Variants in RC3H2 observed in about 807,000 individuals in gnomAD.
RC3H2 encodes the protein roquin-2.
Under a neutral mutation model 133.3 loss-of-function variants are expected in RC3H2, and 31 were observed. The observed-to-expected ratio is 0.23, with a 90% CI of 0.17 to 0.31. The LOEUF (loss-of-function observed/expected upper bound fraction) is 0.31, where lower values mean the gene tolerates loss of function less well. Ranked by LOEUF, RC3H2 falls within the 10% of genes least tolerant of loss-of-function variation. The pLI is 1.00. For missense variants in RC3H2, 1,175 were observed against 1,437.2 expected, an observed-to-expected ratio of 0.82 and a Z score of 2.95; for synonymous variants, 517 against 502.2, an observed-to-expected ratio of 1.03 and a Z score of -0.40.
At chr9:122,856,644 A>C (rs1366709892) in intron 13 of RC3H2, among the ~76,000 whole-genome samples, 3 of 152,230 alleles carry the variant, frequency 2.0e-5, no homozygotes, top group Non-Finnish European at 2.9e-5. Flanking sequence ...AAAGGAATTC[A>C]AAGGAGGCTC....
intron 2 of RC3H2, 21 bp downstream of exon 2, chr9:122,897,258 A>T: frequency 6.2e-7 from 1 of 1,611,616 alleles, no homozygotes; most frequent in Non-Finnish European, 8.5e-7. Flanking sequence ...ACCAACCTAT[A>T]GTAAAATCTT....
chr9:122,848,719 A>G lies in RC3H2; in HGVS notation c.*908T>C, dbSNP rs1161838429. ...ACGCTACATACAGGGTTTTCTCAAGAAAGCTGAAAGCACCTGATTCTTTTG... is the reference window on the plus strand; with the variant it reads ...ACGCTACATACAGGGTTTTCTCAAGGAAGCTGAAAGCACCTGATTCTTTTG... On this transcript the variant is annotated 3_prime_UTR_variant, in exon 21 of 21. Transcript: ENST00000357244. 1 of 152,200 alleles carries G rather than the reference A, an allele frequency of 6.6e-6. No individual in the cohort carries two copies. The highest frequency in any genetic ancestry group is 2.4e-5 in the African/African-American group (1 of 41,458). 9.4% of individuals were successfully genotyped at this position (152,200 alleles called of 1,614,324 possible).
At chr9:122,865,241 C>A in intron 10 of RC3H2, 108 bp downstream of exon 10, 2 of 1,010,756 alleles carry the variant, frequency 2.0e-6, no homozygotes, top group Admixed American at 5.7e-5. Context: ...ACAAAATATT[C>A]TGCATAAAAA....
chr9:122,858,071 GTCT>G lies in RC3H2; in HGVS notation c.2303_2305del (p.Lys768del). ...TCTTCTTATCTGCTCCTCGCAACTG[GTCT>G]TCAAATGACCACAAGGTTCCTAATG... On this transcript the variant is annotated inframe_deletion, in exon 13 of 21. Coordinates refer to ENST00000357244, the MANE Select transcript of RC3H2 (RefSeq NM_001100588.3). The G allele has an allele frequency of 6.2e-7, 1 of 1,614,138 alleles. No individual in the cohort carries two copies. The highest frequency in any genetic ancestry group is 8.5e-7 in the Non-Finnish European group (1 of 1,179,994).
At chr9:122,877,720 C>T in intron 8 of RC3H2, 137 bp from the exon 9 acceptor site, 1 of 664,718 alleles carries the variant, frequency 1.5e-6, no homozygotes, top group East Asian at 2.6e-5. Context: ...GCTGAAACAA[C>T]TAATATTCCA....
rs1180695430 is a variant in RC3H2, at chr9:122,859,069, C to A, written c.1883G>T (p.Gly628Val). 1 of 1,595,040 alleles carries A rather than the reference C, an allele frequency of 6.3e-7. No individual in the cohort carries two copies. The change falls in exon 12 of 21, where the codon GGT becomes GTT. Residue 628 changes from glycine to valine, a missense_variant. By Grantham distance (109) the Gly-to-Val change is moderately radical. This residue lies in a region of RC3H2 where 490 missense variants were observed against 492.8 expected (regional missense o/e 0.99). Transcript: ENST00000357244. ...YYPPPPTVPA[G>V]VAPCVPRFVR... ...AAAGCGAGGAACACAGGGAGCCACA[C>A]CAGCTGGTACCGTTGGAGGTGGTGG...
chr9:122,868,194 G>T (rs1830826388), intron 9 of RC3H2, among the ~76,000 whole-genome samples: 1 of 151,058 alleles, frequency 6.6e-6, no homozygotes, highest in Admixed American at 6.6e-5. Flanking sequence ...GCCCCTACTG[G>T]GAAGTGAGGA....
intron 10 of RC3H2, among the ~76,000 whole-genome samples, chr9:122,864,901 G>A (rs1313124371): frequency 6.6e-6 from 1 of 152,046 alleles, no homozygotes; most frequent in African/African-American, 2.4e-5. Context: ...TGGGATTACA[G>A]GTGTGAACCA....
intron 1 of RC3H2, among the ~76,000 whole-genome samples, chr9:122,898,514 C>A (rs954250868): frequency 8.5e-5 from 13 of 152,196 alleles, no homozygotes; most frequent in Admixed American, 2.0e-4. Flanking sequence ...CTTTGAGAGG[C>A]CGAGGTGGGA....
At chr9:122,853,677 G>A in intron 18 of RC3H2, 1 of 727,006 alleles carries the variant, frequency 1.4e-6, no homozygotes, top group South Asian at 2.0e-5. Flanking sequence ...GCTTGAACCT[G>A]AGAGCCAGAG....
chr9:122,871,668 G>A (rs1831107098), intron 9 of RC3H2, among the ~76,000 whole-genome samples: 1 of 151,922 alleles, frequency 6.6e-6, no homozygotes, highest in Non-Finnish European at 1.5e-5. Context: ...TTCTATCTAA[G>A]AGATCTCCCC....
In RC3H2 at chr9:122,897,462, G is replaced by A; in HGVS notation, c.48C>T (p.Ile16=). Residue 16 remains isoleucine (I), a synonymous_variant, in exon 2 of 21, where the codon ATC becomes ATT. Transcript: ENST00000357244. ...AQWTEFLSCP[I]CYNEFDENVH... ...CATTCTCATCAAATTCATTATAGCA[G>A]ATTGGACAGGACAGAAATTCTGTCC... 1 of 1,614,158 alleles carries A rather than the reference G, an allele frequency of 6.2e-7. No homozygotes were observed. Among genetic ancestry groups the A allele is most frequent in the South Asian group, 1.1e-5 (1 of 91,066 alleles).
intron 5 of RC3H2, among the ~76,000 whole-genome samples, chr9:122,881,445 G>T (rs1588094868): frequency 7.8e-6 from 1 of 128,312 alleles, no homozygotes; most frequent in South Asian, 2.8e-4. Flanking sequence ...GGGACAGAGT[G>T]AGACTCCGTC....
Position 122,893,003 on chromosome 9 carries a change from C to T in RC3H2, c.255G>A (p.Lys85=), listed in dbSNP as rs369176515. ...GTTTATTCTCACCTAGATTACTTAA[C>T]TTAATTGACTGATGATCTGGTACCT... The part of the protein sequence containing the change: ...GAQVPDHQSI[K]LSNLGENKHY... Residue 85 remains lysine, a synonymous_variant, in exon 3 of 21, where the codon AAG becomes AAA. Transcript: ENST00000357244. The T allele has an allele frequency of 6.2e-7, 1 of 1,603,404 alleles. No homozygotes were observed. Among genetic ancestry groups the T allele is most frequent in the African/African-American group, 1.4e-5 (1 of 73,376 alleles).
intron 18 of RC3H2, among the ~76,000 whole-genome samples, chr9:122,852,521 C>G (rs62580883): frequency 2.1e-5 from 3 of 144,394 alleles, no homozygotes; most frequent in African/African-American, 7.8e-5. Flanking sequence ...CCGCCCCGTC[C>G]GGGAGGGAGG....
At chr9:122,893,111 G>A in intron 2 of RC3H2, 85 bp from the exon 3 acceptor site, 2 of 1,495,690 alleles carry the variant, frequency 1.3e-6, no homozygotes, top group Non-Finnish European at 1.8e-6. Flanking sequence ...TAATAATCTT[G>A]GTGAGTATAA....
intron 14 of RC3H2, 148 bp from the exon 15 acceptor site, chr9:122,855,545 A>G: frequency 1.1e-6 from 1 of 935,708 alleles, no homozygotes; most frequent in South Asian, 1.8e-5. Flanking sequence ...CTACCAGTAA[A>G]CCACCAATGT....
At chr9:122,887,471 C>T (rs759124924) in intron 4 of RC3H2, among the ~76,000 whole-genome samples, 3 of 151,920 alleles carry the variant, frequency 2.0e-5, no homozygotes, top group African/African-American at 4.8e-5. Flanking sequence ...AGCTTTTTTG[C>T]TTCCCTGCTC....
chr9:122,855,168 T>C lies in RC3H2; in HGVS notation c.2815+16A>G, dbSNP rs754918689. The C allele has an allele frequency of 3.2e-6, 5 of 1,579,488 alleles. No individual in the cohort carries two copies. Among genetic ancestry groups the C allele is most frequent in the Admixed American group, 3.3e-5 (2 of 59,736 alleles). ...GCTTAGAACATATCAGGCTAGGTAT[T>C]ATCTAAATGGATTACCTGATACACT... On this transcript the variant is annotated intron_variant, in intron 15 of 20. Transcript: ENST00000357244.
Sources: allele counts gnomAD v4.1 joint callset (sites outside exome capture counted in the v4.1 genomes callset), GRCh38; gene constraint gnomAD v4.1.1; regional missense constraint gnomAD v4.1.1; transcripts MANE v1.5; gene names NCBI Gene and HGNC (gene_info 2026-07-23, HGNC 2026-07-21).